The following MAOA variants were observed in gnomAD, a reference collection of about 807,000 sequenced individuals.
MAOA encodes monoamine oxidase A, also known as amine oxidase [flavin-containing] A.
A neutral mutation model predicts 42.0 loss-of-function variants in MAOA; 6 were observed. The ratio of observed to expected loss-of-function variants is 0.14; its 90% CI spans 0.08 to 0.28. MAOA has a LOEUF of 0.28. Among genes scored for constraint, MAOA ranks in the 10% least tolerant of loss-of-function variants. MAOA has a pLI of 1.00. For missense variants in MAOA, 262 were observed against 422.3 expected (o/e 0.62, Z 3.33); for synonymous variants, 140 against 154.0 (o/e 0.91, Z 0.67).
chrX:43,717,078 G>A (rs2033749777), intron 5 of MAOA, among the ~76,000 whole-genome samples: 2 of 110,368 alleles, frequency 1.8e-5, no homozygotes, highest in Non-Finnish European at 3.8e-5. Context: ...GGTTGGGAGA[G>A]TAAGAAAGAT....
At chrX:43,674,681 T>G (rs1165732055) in intron 1 of MAOA, among the ~76,000 whole-genome samples, 2 of 111,090 alleles carry the variant, frequency 1.8e-5, no homozygotes, top group South Asian at 3.8e-4. Flanking sequence ...GTTTGTAAAG[T>G]ATTTTATTTC....
Position 43,731,442 on chromosome X carries a change from T to C in MAOA, c.795+52T>C, listed in dbSNP as rs1268613184. 4 of 1,120,340 alleles carry C rather than the reference T, an allele frequency of 3.6e-6. No homozygotes were observed. The Admixed American group carries it at 8.7e-5, about 24-fold the overall frequency. 92.3% of individuals were successfully genotyped at this position (1,120,340 alleles called of 1,213,427 possible). A position where few individuals can be genotyped will look rare whatever the true frequency, so the allele number is the denominator to read the frequency against. ...TATAGTAAATAGGCCTTGTGTCTTT[T>C]GCAGTTTCTAACCAGATATAATTCA... On this transcript the variant is annotated intron_variant, in intron 7 of 14. Transcript: ENST00000338702.
intron 5 of MAOA, among the ~76,000 whole-genome samples, chrX:43,721,366 C>T (rs191913469): frequency 8.9e-6 from 1 of 111,748 alleles, no homozygotes; most frequent in East Asian, 2.8e-4. Context: ...GTTTGCAGGA[C>T]TGGTCTAGAG....
At chrX:43,684,918 C>T (rs1323262344) in intron 2 of MAOA, among the ~76,000 whole-genome samples, 2 of 97,273 alleles carry the variant, frequency 2.1e-5, no homozygotes, top group Non-Finnish European at 4.1e-5. Flanking sequence ...GCTCTTGTCG[C>T]CCAGGCTAGA....
chrX:43,698,897 T>C (rs1031476458), intron 3 of MAOA, among the ~76,000 whole-genome samples: 1 of 111,846 alleles, frequency 8.9e-6, no homozygotes, highest in Admixed American at 9.6e-5. Context: ...ACCTTAAAGG[T>C]AGATTCTTAA....
At chrX:43,720,683 G>A (rs1168680835) in intron 5 of MAOA, among the ~76,000 whole-genome samples, 3 of 108,252 alleles carry the variant, frequency 2.8e-5, no homozygotes, top group Non-Finnish European at 5.7e-5. Flanking sequence ...TGGCCCACAG[G>A]TGCACGGGGG....
Position 43,660,440 on chromosome X carries a change from C to T in MAOA, c.73+4026C>T, listed in dbSNP as rs149488674. Among the ~76,000 whole-genome samples the T allele has an allele frequency of 8.7e-3, 964 of 111,077 alleles. 6 individuals are homozygous for T. The highest frequency in any genetic ancestry group is 0.015 in the Non-Finnish European group (776 of 52,906). ...CTATTAGCAGCCTCCCAAACACCTCCCTATCCCGCCCCCCATCATGACAAG... is the reference window on the plus strand; with the variant it reads ...CTATTAGCAGCCTCCCAAACACCTCTCTATCCCGCCCCCCATCATGACAAG... On this transcript the variant is annotated intron_variant, in intron 1 of 14. Coordinates refer to ENST00000338702, the MANE Select transcript of MAOA (RefSeq NM_000240.4).
rs140923794 is a variant in MAOA, at chrX:43,718,822, G to C, written c.503+6026G>C. Among the ~76,000 whole-genome samples, 8 of 110,847 alleles carry C rather than the reference G, an allele frequency of 7.2e-5. No individual in the cohort carries two copies. In the East Asian group the frequency reaches 2.3e-3, roughly 32 times the overall value. On this transcript the variant is annotated intron_variant, in intron 5 of 14. Coordinates refer to ENST00000338702, the MANE Select transcript of MAOA (RefSeq NM_000240.4). The stretch of plus-strand genomic sequence containing the variant: ...GAGCTAGGGGATGCAGAGAACATTG[G>C]CTTGTTGGCAGGCATGGTTTTTCCT...
At chrX:43,731,487 C>A in intron 7 of MAOA, 97 bp downstream of exon 7, 1 of 996,610 alleles carries the variant, frequency 1.0e-6, no homozygotes, top group Non-Finnish European at 1.4e-6. Context: ...ATAATTAATG[C>A]TGACATGTTT....
intron 10 of MAOA, among the ~76,000 whole-genome samples, chrX:43,740,073 A>G (rs2033948338): frequency 8.9e-6 from 1 of 112,410 alleles, no homozygotes; most frequent in Admixed American, 9.4e-5. Context: ...TAACATTAGC[A>G]TATTTTGCCC....
At chrX:43,681,880 A>ATATATTT (rs1337382916) in intron 1 of MAOA, among the ~76,000 whole-genome samples, 5 of 87,583 alleles carry the variant, frequency 5.7e-5, no homozygotes, top group African/African-American at 2.1e-4. Context: ...ATATATATAT[A>ATATATTT]TTTTTTTTTT....
At chrX:43,695,857 G>A (rs2033574583) in intron 3 of MAOA, among the ~76,000 whole-genome samples, 1 of 112,596 alleles carries the variant, frequency 8.9e-6, no homozygotes, top group Non-Finnish European at 1.9e-5. Context: ...GCAAGGTGGA[G>A]TTAAAATGAT....
Position 43,729,209 on chromosome X carries a change from C to T in MAOA, c.645+895C>T, listed in dbSNP as rs192640297. 1.7e-3 allele frequency among the ~76,000 whole-genome samples: 187 copies of T among 112,340 alleles called. 1 individual carries two copies. The highest frequency in any genetic ancestry group is 2.9e-3 in the Non-Finnish European group (157 of 53,239). On this transcript the variant is annotated intron_variant, in intron 6 of 14. Coordinates refer to ENST00000338702, the MANE Select transcript of MAOA (RefSeq NM_000240.4). The stretch of plus-strand genomic sequence containing the variant: ...ATTTGACCCTTAGCCTTGACAAATG[C>T]AGGACAGTTGCATTTTTTAAATGTC...
intron 13 of MAOA, 91 bp downstream of exon 13, chrX:43,743,996 G>A (rs1445544560): frequency 1.7e-6 from 2 of 1,180,361 alleles, no homozygotes; most frequent in African/African-American, 3.6e-5. Context: ...GATAGAATCT[G>A]TATGTCCATT....
chrX:43,740,744 A>C lies in MAOA; in HGVS notation c.1164+6A>C. On this transcript the variant is annotated splice_donor_region_variant and intron_variant, in intron 11 of 14. Transcript: ENST00000338702. ...GATCCCAAGAAGCTTTACATGTAAG[A>C]AACTCCCAGCTTTAATCCCTAGCAG... The C allele has an allele frequency of 1.7e-6, 2 of 1,195,219 alleles. No individual in the cohort carries two copies. The highest frequency in any genetic ancestry group is 3.5e-5 in the African/African-American group (2 of 57,316).
At chrX:43,656,288 C>T (rs2033178655), upstream of MAOA, 34 of 1,111,247 alleles carry the variant, frequency 3.1e-5, 1 homozygote, top group South Asian at 6.3e-4. Flanking sequence ...GTCCTTCCCA[C>T]CCTTTGCCGT....
chrX:43,723,279 C>A (rs2033806025), intron 5 of MAOA, among the ~76,000 whole-genome samples: 1 of 111,316 alleles, frequency 9.0e-6, no homozygotes, highest in African/African-American at 3.3e-5. Flanking sequence ...TTACTTTGGG[C>A]AGTATGGCCA....
At chrX:43,715,408 T>C (rs1054814859) in intron 5 of MAOA, among the ~76,000 whole-genome samples, 4 of 110,525 alleles carry the variant, frequency 3.6e-5, no homozygotes, top group Non-Finnish European at 7.6e-5. Context: ...GCAGGGAAGA[T>C]GGGCTTGTTT....
chrX:43,744,334 T>A lies in MAOA; in HGVS notation c.1438-33T>A, dbSNP rs1295545620. 1.1e-5 allele frequency: 13 copies of A among 1,205,383 alleles called. No individual in the cohort carries two copies. In the Admixed American group the frequency reaches 2.9e-4, roughly 26 times the overall value. On this transcript the variant is annotated intron_variant, in intron 14 of 14. Transcript: ENST00000338702. The stretch of plus-strand genomic sequence containing the variant: ...TTTTGTTCCTCCTTGTCAGCATGAG[T>A]TTTTTGCTCATGATCTGTGTTCCTT...
Sources: gnomAD v4.1 joint callset for allele counts (sites outside exome capture counted in the v4.1 genomes callset) on GRCh38, gnomAD v4.1.1 for gene constraint, MANE v1.5 for transcripts, NCBI Gene and HGNC (gene_info 2026-07-23, HGNC 2026-07-21) for gene names.